Variants in UBE2G2 observed in about 807,000 individuals in gnomAD.
UBE2G2 encodes the protein ubiquitin conjugating enzyme E2 G2.
In UBE2G2, 10 loss-of-function variants were observed where a neutral mutation model predicts 23.0. That is an observed-to-expected ratio of 0.43 (90% CI 0.27 to 0.74). UBE2G2 has a LOEUF of 0.74. Ranked by LOEUF, UBE2G2 falls within the 30% of genes least tolerant of loss-of-function variation. The probability of loss-of-function intolerance (pLI) is 0.19; values close to 1 mark genes in which losing one functional copy is unlikely to be tolerated. For missense variants in UBE2G2, 150 were observed against 218.3 expected (o/e 0.69, Z 1.97); for synonymous variants, 86 against 81.3 (o/e 1.06, Z -0.31).
chr21:44,789,155 C>G (rs962618834), intron 1 of UBE2G2: 1 of 152,028 alleles, frequency 6.6e-6, no homozygotes, highest in Non-Finnish European at 1.5e-5. Flanking sequence ...GAGGCCGAGG[C>G]GGGTGGATCA....
intron 1 of UBE2G2, chr21:44,801,358 T>C (rs1289639985): frequency 1.8e-6 from 2 of 1,122,118 alleles, no homozygotes; most frequent in African/African-American, 1.6e-5. Flanking sequence ...CAGCAGCAAG[T>C]CAGGCCTTCT....
chr21:44,789,981 T>C (rs1555962738), intron 1 of UBE2G2, among the ~76,000 whole-genome samples: 1 of 152,174 alleles, frequency 6.6e-6, no homozygotes, highest in East Asian at 1.9e-4. Context: ...GCCTCCAGAA[T>C]TGGGAGCAAT....
At chr21:44,801,525 C>G (rs2083137522) in intron 1 of UBE2G2, 181 bp downstream of exon 1, 1 of 1,120,186 alleles carries the variant, frequency 8.9e-7, no homozygotes, top group African/African-American at 1.7e-5. Flanking sequence ...TTCACGACTT[C>G]ACGCGTGAGA....
intron 3 of UBE2G2, among the ~76,000 whole-genome samples, chr21:44,777,770 C>T (rs2082924180): frequency 1.3e-5 from 2 of 151,874 alleles, no homozygotes; most frequent in Admixed American, 6.6e-5. Context: ...ATCTCGCCAC[C>T]GCACTCAAGC....
intron 3 of UBE2G2, among the ~76,000 whole-genome samples, chr21:44,783,147 C>T (rs535692095): frequency 5.3e-4 from 81 of 152,268 alleles, no homozygotes; most frequent in African/African-American, 1.8e-3. Flanking sequence ...GATACATGAA[C>T]GGCCAATAAG....
intron 3 of UBE2G2, chr21:44,779,252 T>C (rs1301519866): frequency 3.9e-5 from 17 of 434,500 alleles, no homozygotes; most frequent in African/African-American, 6.2e-5. Flanking sequence ...AAAGCAGTGA[T>C]TGCTTCATGG....
chr21:44,773,919 CAG>C, intron 4 of UBE2G2: 2 of 485,194 alleles, frequency 4.1e-6, no homozygotes, highest in Non-Finnish European at 3.6e-6. Context: ...CAGTTCTAAT[CAG>C]CTGTCGTAGT....
intron 4 of UBE2G2, among the ~76,000 whole-genome samples, chr21:44,776,550 T>C (rs1181040347): frequency 6.6e-6 from 1 of 152,238 alleles, no homozygotes; most frequent in Non-Finnish European, 1.5e-5. Context: ...CTAACATATA[T>C]GATATAGTTT....
intron 1 of UBE2G2, among the ~76,000 whole-genome samples, chr21:44,798,630 T>C (rs750667994): frequency 3.3e-5 from 5 of 152,234 alleles, no homozygotes; most frequent in Non-Finnish European, 7.3e-5. Context: ...TCCCCATCTG[T>C]TCAAGTTTGA....
rs1163251298 is a variant in UBE2G2 at position 44,771,527 on chromosome 21, TCTTATACGTAAGCAGC to T, written c.386-54_386-39del. ...GGAACACCCTCCATGTAAAAGGGAG[TCTTATACGTAAGCAGC>T]CTGGCAAGGTCTCCCATTTATTTAA... is the stretch of plus-strand genomic sequence containing the variant. On this transcript the variant is annotated intron_variant, in intron 5 of 5. Coordinates refer to ENST00000345496, the MANE Select transcript of UBE2G2 (RefSeq NM_003343.6). This position sits in a 1 kb window ranked among gnomAD's most constrained non-coding sequence, Gnocchi z 4.6. 1 of 1,590,706 alleles carries T rather than the reference TCTTATACGTAAGCAGC, an allele frequency of 6.3e-7. No homozygotes were observed. The highest frequency in any genetic ancestry group is 1.3e-5 in the African/African-American group (1 of 74,434).
chr21:44,781,915 C>T (rs1212720004), intron 3 of UBE2G2, among the ~76,000 whole-genome samples: 2 of 152,088 alleles, frequency 1.3e-5, no homozygotes, highest in Admixed American at 1.3e-4. Context: ...TACAGCCATA[C>T]CCTAATTATT....
chr21:44,781,442 A>T (rs1204361085), intron 3 of UBE2G2, among the ~76,000 whole-genome samples: 1 of 152,236 alleles, frequency 6.6e-6, no homozygotes, highest in Non-Finnish European at 1.5e-5. Context: ...AGCAGGACCA[A>T]GGTGGGCTGC....
At chr21:44,777,793 G>A (rs1413280621) in intron 3 of UBE2G2, among the ~76,000 whole-genome samples, 2 of 152,144 alleles carry the variant, frequency 1.3e-5, no homozygotes, top group Non-Finnish European at 2.9e-5. Context: ...GGGCGACAGA[G>A]CGTGACTCCG....
At chr21:44,789,384 C>CAAAAAAAAAA (rs56695709) in intron 1 of UBE2G2, 23 of 82,208 alleles carry the variant, frequency 2.8e-4, no homozygotes, top group South Asian at 4.8e-4. Context: ...GACTCTGTCT[C>CAAAAAAAAAA]AAAAAAAAAA....
chr21:44,798,025 G>A (rs1555964146), intron 1 of UBE2G2, among the ~76,000 whole-genome samples: 1 of 151,588 alleles, frequency 6.6e-6, no homozygotes, highest in Admixed American at 6.6e-5. Context: ...AGGTGTAGGG[G>A]CACATGCCTG....
chr21:44,777,530 G>A (rs553910087), intron 3 of UBE2G2, 113 bp from the exon 4 acceptor site: 18 of 1,064,500 alleles, frequency 1.7e-5, no homozygotes, highest in East Asian at 1.0e-4. Flanking sequence ...ACGTGAGGCC[G>A]GGTGCGGTGG....
At position 44,801,792 on chromosome 21, in the gene UBE2G2, G is replaced by C; in HGVS notation, c.-44C>G. 1 of 1,502,968 alleles carries C rather than the reference G, an allele frequency of 6.7e-7. No homozygotes were observed. Among genetic ancestry groups the C allele is most frequent in the Non-Finnish European group, 8.9e-7 (1 of 1,129,878 alleles). The allele number at this position is 1,502,968 out of a possible 1,614,324, so 93.1% of individuals were successfully genotyped here. A position where few individuals can be genotyped will look rare whatever the true frequency, so the allele number is the denominator to read the frequency against. ...CCGAGCGACCTCGCCTCAGCCGCGC[G>C]CGTGCCTCCTGCCCCGACACCGGGG... On this transcript the variant is annotated 5_prime_UTR_variant, in exon 1 of 6. Coordinates refer to ENST00000345496, the MANE Select transcript of UBE2G2 (RefSeq NM_003343.6).
chr21:44,786,077 A>G (rs2082994103), intron 3 of UBE2G2, among the ~76,000 whole-genome samples: 1 of 59,560 alleles, frequency 1.7e-5, no homozygotes, highest in Non-Finnish European at 3.0e-5. Flanking sequence ...AGGAGCCAAC[A>G]CCCCACAAAT....
chr21:44,799,348 G>A (rs2083117616), intron 1 of UBE2G2, among the ~76,000 whole-genome samples: 1 of 152,136 alleles, frequency 6.6e-6, no homozygotes. Context: ...CGTTGTATAT[G>A]GCATCATCTC....
Sources: allele counts gnomAD v4.1 joint callset (sites outside exome capture counted in the v4.1 genomes callset), GRCh38; gene constraint gnomAD v4.1.1; non-coding constraint Gnocchi (gnomAD v3.1); transcripts MANE v1.5; gene names NCBI Gene and HGNC (gene_info 2026-07-23, HGNC 2026-07-21).